Variants in ZKSCAN3 observed in about 807,000 individuals in gnomAD.
The protein encoded by ZKSCAN3 is zinc finger protein with KRAB and SCAN domains 3.
ZKSCAN3 carries 21 observed loss-of-function variants against 30.7 expected under a neutral mutation model. That is an observed-to-expected ratio of 0.68 (90% CI 0.49 to 0.99). ZKSCAN3 has a LOEUF of 0.99. ZKSCAN3 is among the 50% of genes least tolerant of loss of function. ZKSCAN3 has a pLI of 0.00. For missense variants in ZKSCAN3, 507 were observed against 647.1 expected (o/e 0.78, Z 2.35); for synonymous variants, 201 against 246.7 (o/e 0.81, Z 1.73).
intron 1 of ZKSCAN3, among the ~76,000 whole-genome samples, chr6:28,358,141 A>G (rs952951810): frequency 6.6e-6 from 1 of 152,220 alleles, no homozygotes. Flanking sequence ...CAAGTCTTAC[A>G]TAAAATGGCA....
intron 1 of ZKSCAN3, chr6:28,350,444 G>A (rs1256117180): frequency 6.6e-6 from 1 of 152,214 alleles, no homozygotes; most frequent in Non-Finnish European, 1.5e-5. Flanking sequence ...CCAGAACGTT[G>A]GAGTCAGATT....
rs1561943530 is a variant in ZKSCAN3 at position 28,368,164 on chromosome 6, A to T, written c.*1879A>T. ...TTGTTCTTGGCGATAGTTTGCTGAG[A>T]ATGATGAGACGAGGTTTCACTGTGT... On this transcript the variant is annotated 3_prime_UTR_variant, in exon 6 of 6. Coordinates refer to ENST00000252211, the MANE Select transcript of ZKSCAN3 (RefSeq NM_024493.4). The T allele has an allele frequency of 6.6e-6, 1 of 151,824 alleles. No individual in the cohort carries two copies. The highest frequency in any genetic ancestry group is 1.5e-5 in the Non-Finnish European group (1 of 68,002). 9.4% of individuals were successfully genotyped at this position (151,824 alleles called of 1,614,324 possible). A position where few individuals can be genotyped will look rare whatever the true frequency, so the allele number is the denominator to read the frequency against.
At chr6:28,363,531 G>A (rs1765845646) in intron 4 of ZKSCAN3, 146 bp downstream of exon 4, 2 of 1,291,248 alleles carry the variant, frequency 1.5e-6, no homozygotes, top group East Asian at 2.4e-5. Context: ...CATCTATCTC[G>A]AGGTTGTTTA....
At chr6:28,354,285 G>C in intron 1 of ZKSCAN3, 1 of 247,290 alleles carries the variant, frequency 4.0e-6, no homozygotes, top group Admixed American at 4.6e-5. Context: ...TACACAAACA[G>C]GTTATATAAC....
intron 3 of ZKSCAN3, among the ~76,000 whole-genome samples, 195 bp from the exon 4 acceptor site, chr6:28,363,108 T>C (rs1765826791): frequency 6.6e-6 from 1 of 152,190 alleles, no homozygotes; most frequent in Admixed American, 6.5e-5. Context: ...AATTTATTTA[T>C]TTAGAGAGAC....
chr6:28,365,500 T>C lies in ZKSCAN3; in HGVS notation c.832T>C (p.Ser278Pro). Residue 278 changes from serine (S) to proline (P), a missense_variant, in exon 6 of 6, where the codon TCG becomes CCG. Physicochemically the swap from Ser to Pro is moderately conservative, Grantham distance 74 (BLOSUM62 -1). Coordinates refer to ENST00000252211, the MANE Select transcript of ZKSCAN3 (RefSeq NM_024493.4). Reference protein sequence around the residue: ...ELPEKEHGKISCHLREDIAQI... With the variant: ...ELPEKEHGKIPCHLREDIAQI... Reference sequence around the variant, plus strand: ...TCCAGAAAAGGAGCATGGGAAGATATCGTGCCACCTGAGAGAAGACATTGC... The same window carrying C: ...TCCAGAAAAGGAGCATGGGAAGATACCGTGCCACCTGAGAGAAGACATTGC... The C allele has an allele frequency of 6.2e-7, 1 of 1,609,780 alleles. No individual in the cohort carries two copies. The highest frequency in any genetic ancestry group is 8.5e-7 in the Non-Finnish European group (1 of 1,177,588).
chr6:28,359,476 A>C, intron 1 of ZKSCAN3, 49 bp from the exon 2 acceptor site: 1 of 1,358,548 alleles, frequency 7.4e-7, no homozygotes, highest in Non-Finnish European at 1.0e-6. Context: ...GCAGGAGAGA[A>C]GGGACTACTT....
In ZKSCAN3 at chr6:28,365,795, G is replaced by A; in HGVS notation, c.1127G>A (p.Gly376Asp). ...AAGCCATATGAGTGTGAAGAATGTG[G>A]TAAGGCCTTCAGTCATAGCTCAGAC... ...GEKPYECEEC[G>D]KAFSHSSDLI... Residue 376 changes from glycine to aspartate, a missense_variant, in exon 6 of 6, where the codon GGT becomes GAT. Transcript: ENST00000252211. 1 of 1,614,216 alleles carries A rather than the reference G, an allele frequency of 6.2e-7. No homozygotes were observed. Among genetic ancestry groups the A allele is most frequent in the Non-Finnish European group, 8.5e-7 (1 of 1,180,026 alleles).
intron 1 of ZKSCAN3, among the ~76,000 whole-genome samples, chr6:28,358,515 A>G (rs984783287): frequency 3.0e-4 from 45 of 151,248 alleles, no homozygotes; most frequent in Non-Finnish European, 5.9e-4. Flanking sequence ...GAATCTCTCA[A>G]TGCAGAACCC....
chr6:28,353,158 G>A (rs1012681509), intron 1 of ZKSCAN3, among the ~76,000 whole-genome samples: 14 of 151,806 alleles, frequency 9.2e-5, no homozygotes, highest in Admixed American at 6.6e-4. Context: ...TAGTAGAGAC[G>A]GGGTTTCACC....
Position 28,366,320 on chromosome 6 carries a change from G to A in ZKSCAN3, c.*35G>A, listed in dbSNP as rs1765970555. 2 of 1,498,380 alleles carry A rather than the reference G, an allele frequency of 1.3e-6. No individual in the cohort carries two copies. The highest frequency in any genetic ancestry group is 8.9e-7 in the Non-Finnish European group (1 of 1,127,292). The allele number at this position is 1,498,380 out of a possible 1,614,324, so 92.8% of individuals were successfully genotyped here. A position where few individuals can be genotyped will look rare whatever the true frequency, so the allele number is the denominator to read the frequency against. ...TACATGCCAGAGTTGGTGCTCATTT[G>A]TCACTGATCTGAAGCCACTCCCCCT... is the stretch of plus-strand genomic sequence containing the variant. On this transcript the variant is annotated 3_prime_UTR_variant, in exon 6 of 6. Transcript: ENST00000252211.
At position 28,365,992 on chromosome 6, in the gene ZKSCAN3, C is replaced by T. The variant is rs544377430; in HGVS notation, c.1324C>T (p.Leu442=). Residue 442 remains leucine, a synonymous_variant, in exon 6 of 6, where the codon CTG becomes TTG. Transcript: ENST00000252211. Reference sequence around the variant, plus strand: ...AGCCTTTAGGCGAAGTTCACATCTCCTGAGACATCAGAGGATCCATACTGG... The same window carrying T: ...AGCCTTTAGGCGAAGTTCACATCTCTTGAGACATCAGAGGATCCATACTGG... ...GKAFRRSSHL[L]RHQRIHTGDK... is the part of the protein sequence containing the mutation. The T allele has an allele frequency of 2.5e-6, 4 of 1,614,166 alleles. No homozygotes were observed. Among genetic ancestry groups the T allele is most frequent in the Admixed American group, 1.7e-5 (1 of 60,020 alleles).
At chr6:28,363,590 A>G in intron 4 of ZKSCAN3, 102 bp from the exon 5 acceptor site, 2 of 1,562,540 alleles carry the variant, frequency 1.3e-6, no homozygotes, top group Non-Finnish European at 8.7e-7. Context: ...CCTGTTTATT[A>G]CTAGCTGTTG....
In ZKSCAN3 at chr6:28,365,723, T is replaced by C. The variant is rs201837700; in HGVS notation, c.1055T>C (p.Ile352Thr). 6.8e-6 allele frequency: 11 copies of C among 1,613,170 alleles called. No homozygotes were observed. Among genetic ancestry groups the C allele is most frequent in the Middle Eastern group, 1.7e-4 (1 of 6,056 alleles). Residue 352 changes from isoleucine (I) to threonine (T), a missense_variant, in exon 6 of 6, where the codon ATT becomes ACT. Ile to Thr is a moderately conservative substitution (Grantham distance 89). Coordinates refer to ENST00000252211, the MANE Select transcript of ZKSCAN3 (RefSeq NM_024493.4). ...YECEECGKAF[I>T]GSSALVIHQR... ...TGTGAAGAGTGTGGCAAAGCCTTCATTGGGAGCTCTGCCCTTGTCATTCAT... is the reference window on the plus strand; with the variant it reads ...TGTGAAGAGTGTGGCAAAGCCTTCACTGGGAGCTCTGCCCTTGTCATTCAT...
intron 2 of ZKSCAN3, chr6:28,360,486 G>A: frequency 1.3e-6 from 1 of 766,198 alleles, no homozygotes; most frequent in Non-Finnish European, 1.6e-6. Flanking sequence ...AATAAGATTA[G>A]CTTTTGTCCT....
At position 28,365,429 on chromosome 6, in the gene ZKSCAN3, A is replaced by G. The variant is rs1408665124; in HGVS notation, c.761A>G (p.Asp254Gly). The change falls in exon 6 of 6, where the codon GAT becomes GGT. Residue 254 changes from aspartate to glycine, a missense_variant. Coordinates refer to ENST00000252211, the MANE Select transcript of ZKSCAN3 (RefSeq NM_024493.4). ...ENHGSLVSLG[D>G]EKQTKSRDLP... is the part of the protein sequence containing the mutation. ...TGCCAGTTATTTGTTGTTTCAGGTG[A>G]TGAAAAACAGACTAAGAGCAGGGAC... The G allele has an allele frequency of 3.1e-6, 5 of 1,603,468 alleles. 1 individual carries two copies. The Admixed American group carries it at 6.8e-5, about 22-fold the overall frequency.
rs574032438 is a variant in ZKSCAN3, at chr6:28,357,735, G to A, written c.-62-1790G>A. The stretch of plus-strand genomic sequence containing the variant: ...AGGGGAAGAAAGAAAGTGGCAGATT[G>A]AGGAGGTGGCAAAGACCAGGGGCAG... On this transcript the variant is annotated intron_variant, in intron 1 of 5. Coordinates refer to ENST00000252211, the MANE Select transcript of ZKSCAN3 (RefSeq NM_024493.4). 1.0e-3 allele frequency among the ~76,000 whole-genome samples: 157 copies of A among 152,328 alleles called. 1 individual carries two copies. Among genetic ancestry groups the A allele is most frequent in the Non-Finnish European group, 1.8e-3 (125 of 68,036 alleles).
intron 5 of ZKSCAN3, among the ~76,000 whole-genome samples, chr6:28,364,886 C>T (rs1164713047): frequency 7.2e-5 from 11 of 152,016 alleles, no homozygotes; most frequent in African/African-American, 2.7e-4. Context: ...CACCACCATG[C>T]CCGGCTAATT....
At chr6:28,358,807 A>G (rs1460929856) in intron 1 of ZKSCAN3, among the ~76,000 whole-genome samples, 2 of 150,674 alleles carry the variant, frequency 1.3e-5, no homozygotes, top group East Asian at 2.0e-4. Flanking sequence ...TCTTTTGAAC[A>G]TGGGAGGTGG....
Sources: allele counts gnomAD v4.1 joint callset (sites outside exome capture counted in the v4.1 genomes callset), GRCh38; gene constraint gnomAD v4.1.1; transcripts MANE v1.5; gene names NCBI Gene and HGNC (gene_info 2026-07-23, HGNC 2026-07-21).